The following SLIT1 variants were observed in gnomAD, a reference collection of about 807,000 sequenced individuals.
The protein encoded by SLIT1 is slit homolog 1 protein.
Under a neutral mutation model 186.1 loss-of-function variants are expected in SLIT1, and 66 were observed. The observed-to-expected ratio is 0.35, with a 90% CI of 0.29 to 0.44. The LOEUF (loss-of-function observed/expected upper bound fraction) is 0.44, where lower values mean the gene tolerates loss of function less well. Among genes scored for constraint, SLIT1 ranks in the 20% least tolerant of loss-of-function variants. SLIT1 has a pLI of 1.00. For missense variants in SLIT1, 1,638 were observed against 2,037.4 expected (o/e 0.80, Z 3.77); for synonymous variants, 761 against 833.8 (o/e 0.91, Z 1.50).
At chr10:97,154,346 T>TA (rs1849919466) in intron 4 of SLIT1, 1 of 152,130 alleles carries the variant, frequency 6.6e-6, no homozygotes, top group Non-Finnish European at 1.5e-5. Flanking sequence ...CAGTGCAAAC[T>TA]AAGCAGGGCA....
At chr10:97,080,605 C>T (rs1350023592) in intron 4 of SLIT1, among the ~76,000 whole-genome samples, 1 of 152,240 alleles carries the variant, frequency 6.6e-6, no homozygotes, top group Non-Finnish European at 1.5e-5. Context: ...TCCACCATTC[C>T]TCTGTAGGAA....
rs560836133 is a variant in SLIT1 at position 97,073,841 on chromosome 10, G to A, written c.414-7755C>T. 2.6e-5 allele frequency among the ~76,000 whole-genome samples: 4 copies of A among 152,146 alleles called. No homozygotes were observed. In the South Asian group the frequency reaches 8.3e-4, roughly 32 times the overall value. On this transcript the variant is annotated intron_variant, in intron 4 of 36. Transcript: ENST00000266058. ...GATGGAAAGCGGCACTTATGTTGCA[G>A]GATCTGATGGGAGAGGTGCCGCTGC... is the stretch of plus-strand genomic sequence containing the variant.
chr10:97,058,059 A>G, intron 11 of SLIT1: 2 of 717,366 alleles, frequency 2.8e-6, no homozygotes, highest in South Asian at 1.5e-5. Flanking sequence ...CTGCAGTGGG[A>G]GCTGTGTGTG....
intron 5 of SLIT1, chr10:97,065,655 T>C (rs1334071891): frequency 4.5e-6 from 1 of 224,270 alleles, no homozygotes; most frequent in African/African-American, 2.2e-5. Context: ...CTTATGTATG[T>C]GTAACTAGAA....
chr10:97,150,907 G>C (rs766830105), intron 4 of SLIT1, among the ~76,000 whole-genome samples: 11 of 152,160 alleles, frequency 7.2e-5, no homozygotes, highest in Admixed American at 2.6e-4. Flanking sequence ...TATGTCCATG[G>C]AAACAACATC....
chr10:97,116,725 T>G (rs908387685), intron 4 of SLIT1, among the ~76,000 whole-genome samples: 1 of 152,172 alleles, frequency 6.6e-6, no homozygotes, highest in African/African-American at 2.4e-5. Context: ...TGGTGCAGGC[T>G]GGGGGTGGGA....
chr10:97,042,550 G>A (rs1848698876), intron 20 of SLIT1, among the ~76,000 whole-genome samples: 1 of 152,090 alleles, frequency 6.6e-6, no homozygotes. Context: ...GAGTGCTTAG[G>A]GACAGCCAAA....
rs73320668 is a variant in SLIT1, at chr10:97,064,344, C to G, written c.558-105G>C. ...GGGAGGCTCTCGACCTTAAAGTGAC[C>G]AGCACGGGGCTGGACATGGAGGAGC... On this transcript the variant is annotated intron_variant, in intron 6 of 36. Coordinates refer to ENST00000266058, the MANE Select transcript of SLIT1 (RefSeq NM_003061.3). 8,234 of 884,604 alleles carry G rather than the reference C, an allele frequency of 9.3e-3. 457 individuals are homozygous for G. The African/African-American group carries it at 0.12, about 13-fold the overall frequency. 54.8% of individuals were successfully genotyped at this position (884,604 alleles called of 1,614,324 possible). A position where few individuals can be genotyped will look rare whatever the true frequency, so the allele number is the denominator to read the frequency against.
chr10:97,151,348 G>A (rs950827732), intron 4 of SLIT1, among the ~76,000 whole-genome samples: 17 of 142,038 alleles, frequency 1.2e-4, no homozygotes, highest in African/African-American at 2.8e-4. Context: ...TGGTAGATGC[G>A]TACGTGGGAG....
intron 4 of SLIT1, among the ~76,000 whole-genome samples, chr10:97,150,304 T>C (rs1384508808): frequency 6.6e-6 from 1 of 152,196 alleles, no homozygotes; most frequent in African/African-American, 2.4e-5. Context: ...ACAGATCCAT[T>C]TTTAACAGCT....
Position 97,006,926 on chromosome 10 carries a change from C to A in SLIT1, c.3342-206G>T, listed in dbSNP as rs1446082321. ...AGTATGGTCCCTGGTCCAGCAGCGT[C>A]AACATTACCTGGACACTTGATAGAA... On this transcript the variant is annotated intron_variant, in intron 31 of 36. Transcript: ENST00000266058. This position sits in a 1 kb window ranked among gnomAD's most constrained non-coding sequence, Gnocchi z 4.0. 6.6e-6 allele frequency among the ~76,000 whole-genome samples: 1 copy of A among 152,218 alleles called. No homozygotes were observed. The highest frequency in any genetic ancestry group is 1.5e-5 in the Non-Finnish European group (1 of 68,046).
Position 97,006,794 on chromosome 10 carries a change from G to A in SLIT1, c.3342-74C>T. ...TCTTCCTCTCCCACAGCCCTGGAGA[G>A]AAATTCACTAAACATCTTGGGAAAA... On this transcript the variant is annotated intron_variant, in intron 31 of 36. Transcript: ENST00000266058. The surrounding 1 kb of genome is among the most constrained non-coding windows in gnomAD (Gnocchi z 4.0). 1 of 986,838 alleles carries A rather than the reference G, an allele frequency of 1.0e-6. No individual in the cohort carries two copies. The highest frequency in any genetic ancestry group is 1.6e-6 in the Non-Finnish European group (1 of 635,840). 61.1% of individuals were successfully genotyped at this position (986,838 alleles called of 1,614,324 possible). A position where few individuals can be genotyped will look rare whatever the true frequency, so the allele number is the denominator to read the frequency against.
At chr10:97,030,131 T>C (rs1848578350) in intron 25 of SLIT1, among the ~76,000 whole-genome samples, 1 of 152,196 alleles carries the variant, frequency 6.6e-6, no homozygotes, top group Admixed American at 6.5e-5. Context: ...TGGATATACC[T>C]CTTAGAGTGG....
chr10:97,020,662 C>T (rs182795231), intron 26 of SLIT1, among the ~76,000 whole-genome samples: 1 of 152,264 alleles, frequency 6.6e-6, no homozygotes, highest in South Asian at 2.1e-4. Context: ...TGTCCTCCCC[C>T]CGCTGTACCC....
At chr10:97,112,199 C>T (rs1313230710) in intron 4 of SLIT1, among the ~76,000 whole-genome samples, 1 of 152,198 alleles carries the variant, frequency 6.6e-6, no homozygotes, top group Admixed American at 6.5e-5. Context: ...GCCCCCTCCT[C>T]TAGGGAGCCT....
chr10:97,004,906 A>C lies in SLIT1; in HGVS notation c.3580-83T>G. ...AGCAGATGGGGCAGAGAGGGCACCC[A>C]AGATTGGAAGAGAGATGCTCTGTGC... On this transcript the variant is annotated intron_variant, in intron 32 of 36. Coordinates refer to ENST00000266058, the MANE Select transcript of SLIT1 (RefSeq NM_003061.3). The surrounding 1 kb of genome is among the most constrained non-coding windows in gnomAD (Gnocchi z 5.1). The C allele has an allele frequency of 6.6e-7, 1 of 1,521,298 alleles. No individual in the cohort carries two copies. The highest frequency in any genetic ancestry group is 1.2e-5 in the South Asian group (1 of 85,738). The allele number at this position is 1,521,298 out of a possible 1,614,324, so 94.2% of individuals were successfully genotyped here. A position where few individuals can be genotyped will look rare whatever the true frequency, so the allele number is the denominator to read the frequency against.
In SLIT1 at chr10:97,006,420, TG is replaced by T; in HGVS notation, c.3579+62del. ...CATGCAGGGATGTATCCTGATGCTC[TG>T]GCCTAAGCCAGGGTCGCCTGCTCCC... On this transcript the variant is annotated intron_variant, in intron 32 of 36. Coordinates refer to ENST00000266058, the MANE Select transcript of SLIT1 (RefSeq NM_003061.3). This position sits in a 1 kb window ranked among gnomAD's most constrained non-coding sequence, Gnocchi z 4.0. 8.6e-7 allele frequency: 1 copy of T among 1,159,738 alleles called. No homozygotes were observed. The highest frequency in any genetic ancestry group is 1.3e-6 in the Non-Finnish European group (1 of 777,092). 71.8% of individuals were successfully genotyped at this position (1,159,738 alleles called of 1,614,324 possible). A position where few individuals can be genotyped will look rare whatever the true frequency, so the allele number is the denominator to read the frequency against.
chr10:97,083,420 T>C (rs1436067880), intron 4 of SLIT1, among the ~76,000 whole-genome samples: 1 of 152,100 alleles, frequency 6.6e-6, no homozygotes, highest in African/African-American at 2.4e-5. Context: ...TGGAAGTGTA[T>C]GTATGTCGGC....
chr10:97,011,873 C>T (rs886372304), intron 30 of SLIT1, among the ~76,000 whole-genome samples: 11 of 152,096 alleles, frequency 7.2e-5, no homozygotes, highest in African/African-American at 2.7e-4. Context: ...ATGGTCCAGC[C>T]AGCCCAATAC....
Sources: gnomAD v4.1 joint callset for allele counts (sites outside exome capture counted in the v4.1 genomes callset) on GRCh38, gnomAD v4.1.1 for gene constraint, Gnocchi (gnomAD v3.1) non-coding constraint, MANE v1.5 for transcripts, NCBI Gene and HGNC (gene_info 2026-07-23, HGNC 2026-07-21) for gene names.